Variants in SLC16A10 observed in about 807,000 individuals in gnomAD.
SLC16A10 encodes solute carrier family 16 member 10.
Under a neutral mutation model 40.0 loss-of-function variants are expected in SLC16A10, and 27 were observed. That is an observed-to-expected ratio of 0.67 (90% CI 0.50 to 0.93). The LOEUF (loss-of-function observed/expected upper bound fraction) is 0.93, where lower values mean the gene tolerates loss of function less well. Among genes scored for constraint, SLC16A10 ranks in the 40% least tolerant of loss-of-function variants. SLC16A10 has a pLI of 0.00. For missense variants in SLC16A10, 529 were observed against 658.2 expected (o/e 0.80, Z 2.15); for synonymous variants, 213 against 249.8 (o/e 0.85, Z 1.39).
At chr6:111,096,001 C>A (rs1384560585) in intron 1 of SLC16A10, among the ~76,000 whole-genome samples, 1 of 152,124 alleles carries the variant, frequency 6.6e-6, no homozygotes, top group Non-Finnish European at 1.5e-5. Context: ...TCATTACCTC[C>A]ATGGATAGAT....
chr6:111,208,662 G>A (rs1422260900), intron 4 of SLC16A10, among the ~76,000 whole-genome samples: 2 of 152,094 alleles, frequency 1.3e-5, no homozygotes, highest in African/African-American at 4.8e-5. Context: ...GTCACAAAAG[G>A]CCACATACTG....
intron 1 of SLC16A10, among the ~76,000 whole-genome samples, chr6:111,168,351 T>C (rs1177979819): frequency 6.6e-6 from 1 of 152,234 alleles, no homozygotes; most frequent in Non-Finnish European, 1.5e-5. Flanking sequence ...AGTTTCTCAA[T>C]TGTTAAACGA....
At chr6:111,178,166 T>C (rs1271452375) in intron 3 of SLC16A10, among the ~76,000 whole-genome samples, 1 of 152,200 alleles carries the variant, frequency 6.6e-6, no homozygotes, top group African/African-American at 2.4e-5. Context: ...TTTGCTACCA[T>C]AAGTAAATTG....
At chr6:111,170,638 G>A (rs1287381637) in intron 1 of SLC16A10, among the ~76,000 whole-genome samples, 4 of 151,810 alleles carry the variant, frequency 2.6e-5, no homozygotes, top group South Asian at 2.1e-4. Context: ...TAGTAGAGGC[G>A]GAGTTTCACC....
At chr6:111,155,465 G>A (rs1026315854) in intron 1 of SLC16A10, among the ~76,000 whole-genome samples, 1 of 152,058 alleles carries the variant, frequency 6.6e-6, no homozygotes, top group African/African-American at 2.4e-5. Flanking sequence ...CTCTCAAAGT[G>A]TTGGGATTAC....
At chr6:111,151,100 TC>T (rs1772165554) in intron 1 of SLC16A10, among the ~76,000 whole-genome samples, 1 of 152,192 alleles carries the variant, frequency 6.6e-6, no homozygotes, top group Non-Finnish European at 1.5e-5. Context: ...GGCTTGTTTT[TC>T]CCAAACAATA....
At chr6:111,153,725 C>T (rs1211312218) in intron 1 of SLC16A10, among the ~76,000 whole-genome samples, 4 of 152,146 alleles carry the variant, frequency 2.6e-5, no homozygotes, top group Non-Finnish European at 5.9e-5. Context: ...CCTGAGGTTG[C>T]TTCAAAGATT....
intron 1 of SLC16A10, among the ~76,000 whole-genome samples, chr6:111,140,945 C>T (rs1002854854): frequency 6.6e-6 from 1 of 152,072 alleles, no homozygotes; most frequent in Admixed American, 6.6e-5. Context: ...GCCACCAAAT[C>T]CAGCTAATTT....
At chr6:111,112,203 A>C (rs565237364) in intron 1 of SLC16A10, among the ~76,000 whole-genome samples, 2 of 152,086 alleles carry the variant, frequency 1.3e-5, no homozygotes, top group Non-Finnish European at 2.9e-5. Flanking sequence ...CTAATTAAAA[A>C]AAAATTTTTT....
At chr6:111,208,983 C>T (rs1773297818) in intron 4 of SLC16A10, among the ~76,000 whole-genome samples, 1 of 152,040 alleles carries the variant, frequency 6.6e-6, no homozygotes, top group Non-Finnish European at 1.5e-5. Flanking sequence ...AGGAGGATCA[C>T]TTGAGGCCAG....
At chr6:111,175,183 A>G (rs1772656853) in intron 2 of SLC16A10, among the ~76,000 whole-genome samples, 1 of 152,120 alleles carries the variant, frequency 6.6e-6, no homozygotes, top group Admixed American at 6.5e-5. Context: ...CCTTCTCTGA[A>G]TCCTTTTTGC....
chr6:111,131,641 G>A (rs1771784909), intron 1 of SLC16A10, among the ~76,000 whole-genome samples: 2 of 152,220 alleles, frequency 1.3e-5, no homozygotes, highest in Non-Finnish European at 2.9e-5. Flanking sequence ...TCAGGTGTGA[G>A]GCTGTCTGGG....
In SLC16A10 at chr6:111,188,495, A is replaced by G. The variant is rs188260849; in HGVS notation, c.942+10830A>G. On this transcript the variant is annotated intron_variant, in intron 3 of 5. Coordinates refer to ENST00000368851, the MANE Select transcript of SLC16A10 (RefSeq NM_018593.5). Reference sequence around the variant, plus strand: ...ACATTTCCTTGACACAAGGATATATATATATATTTAGAGACAGGGTCTTGC... The same window carrying G: ...ACATTTCCTTGACACAAGGATATATGTATATATTTAGAGACAGGGTCTTGC... Among the ~76,000 whole-genome samples the G allele has an allele frequency of 4.3e-4, 65 of 152,206 alleles. 1 individual carries two copies. Among genetic ancestry groups the G allele is most frequent in the African/African-American group, 1.5e-3 (64 of 41,534 alleles).
chr6:111,136,451 C>T (rs1771879087), intron 1 of SLC16A10, among the ~76,000 whole-genome samples: 1 of 152,206 alleles, frequency 6.6e-6, no homozygotes. Flanking sequence ...GTGAACCTCT[C>T]ATGATGTGAA....
At chr6:111,179,220 G>A (rs953796891) in intron 3 of SLC16A10, among the ~76,000 whole-genome samples, 1 of 152,136 alleles carries the variant, frequency 6.6e-6, no homozygotes, top group Non-Finnish European at 1.5e-5. Flanking sequence ...CAAAGGAAAA[G>A]TGGTAGATGA....
chr6:111,096,218 C>T (rs1016576141), intron 1 of SLC16A10, among the ~76,000 whole-genome samples: 7 of 152,212 alleles, frequency 4.6e-5, no homozygotes, highest in African/African-American at 1.2e-4. Flanking sequence ...AATAGTGTCT[C>T]CTACTCAAGT....
At chr6:111,202,747 C>T (rs1237650) in intron 3 of SLC16A10, among the ~76,000 whole-genome samples, 9 of 151,406 alleles carry the variant, frequency 5.9e-5, no homozygotes, top group East Asian at 2.0e-4. Context: ...ATAAGCCGGG[C>T]GTGGTGGCGG....
intron 2 of SLC16A10, among the ~76,000 whole-genome samples, chr6:111,173,974 G>C (rs1772633153): frequency 1.3e-5 from 2 of 152,156 alleles, no homozygotes; most frequent in Non-Finnish European, 2.9e-5. Context: ...TGTATTAGAA[G>C]AAAAGACACA....
At chr6:111,126,285 A>G (rs1771673049) in intron 1 of SLC16A10, among the ~76,000 whole-genome samples, 1 of 152,014 alleles carries the variant, frequency 6.6e-6, no homozygotes, top group South Asian at 2.1e-4. Context: ...GTAATGAATG[A>G]GGAGCCATTG....
Sources: gnomAD v4.1 joint callset for allele counts (sites outside exome capture counted in the v4.1 genomes callset) on GRCh38, gnomAD v4.1.1 for gene constraint, MANE v1.5 for transcripts, NCBI Gene and HGNC (gene_info 2026-07-23, HGNC 2026-07-21) for gene names.